CDK19: variants seen among roughly 807,000 people sequenced by gnomAD.
CDK19 encodes cyclin dependent kinase 19.
In CDK19, 20 loss-of-function variants were observed where a neutral mutation model predicts 68.3. That is an observed-to-expected ratio of 0.29 (90% CI 0.21 to 0.43). The LOEUF (loss-of-function observed/expected upper bound fraction) is 0.43. Among genes scored for constraint, CDK19 ranks in the 20% least tolerant of loss-of-function variants. The pLI is 1.00. For missense variants in CDK19, 339 were observed against 623.5 expected (o/e 0.54, Z 4.86); for synonymous variants, 221 against 222.8 (o/e 0.99, Z 0.07).
rs1027482869 is a variant in CDK19, at chr6:110,671,671, A to G, written c.205-1130T>C. Among the ~76,000 whole-genome samples, 6 of 152,346 alleles carry G rather than the reference A, an allele frequency of 3.9e-5. No individual in the cohort carries two copies. In the East Asian group the frequency reaches 5.8e-4, roughly 15 times the overall value. ...TTGCAAAGTCCATGCTTTTTCCACT[A>G]CAGCTAAAGTTCATGTCTTCAATTC... On this transcript the variant is annotated intron_variant, in intron 2 of 12. Coordinates refer to ENST00000368911, the MANE Select transcript of CDK19 (RefSeq NM_015076.5).
intron 4 of CDK19, among the ~76,000 whole-genome samples, chr6:110,656,747 T>C (rs1201976329): frequency 6.6e-6 from 1 of 152,164 alleles, no homozygotes; most frequent in Admixed American, 6.5e-5. Context: ...AGAGATAAGG[T>C]TTTCTTTTCT....
intron 2 of CDK19, among the ~76,000 whole-genome samples, chr6:110,733,896 G>T (rs1229660167): frequency 6.6e-6 from 1 of 152,124 alleles, no homozygotes; most frequent in Non-Finnish European, 1.5e-5. Context: ...TATAATGGAT[G>T]AAACTGTAGC....
intron 4 of CDK19, among the ~76,000 whole-genome samples, chr6:110,665,628 C>T (rs1422438189): frequency 1.3e-5 from 2 of 152,204 alleles, no homozygotes; most frequent in Non-Finnish European, 2.9e-5. Flanking sequence ...CAAACATGAA[C>T]ATAACCTCAA....
intron 2 of CDK19, among the ~76,000 whole-genome samples, chr6:110,683,404 T>C (rs879803231): frequency 5.3e-5 from 8 of 152,142 alleles, no homozygotes; most frequent in Admixed American, 3.3e-4. Context: ...CCGGTTAGCT[T>C]TGACATCAGA....
chr6:110,660,627 AG>A (rs59923068), intron 4 of CDK19, among the ~76,000 whole-genome samples: 31,101 of 152,086 alleles, frequency 0.2, 3,254 homozygotes, highest in South Asian at 0.23. Flanking sequence ...GGGATGGAGC[AG>A]GAAGCTAATC....
intron 2 of CDK19, among the ~76,000 whole-genome samples, chr6:110,728,767 T>G (rs943514505): frequency 2.6e-5 from 4 of 152,174 alleles, no homozygotes; most frequent in Admixed American, 2.6e-4. Flanking sequence ...GTCATGCTTA[T>G]ACACAATGTT....
intron 3 of CDK19, among the ~76,000 whole-genome samples, chr6:110,669,671 A>C (rs1770825072): frequency 1.3e-5 from 2 of 151,950 alleles, no homozygotes; most frequent in African/African-American, 4.8e-5. Context: ...AATTATCCAT[A>C]ATTTTAACTT....
chr6:110,642,216 G>A (rs1434902978), intron 4 of CDK19, among the ~76,000 whole-genome samples: 3 of 151,232 alleles, frequency 2.0e-5, no homozygotes, highest in African/African-American at 4.9e-5. Context: ...CAGGAGAATC[G>A]CTTGAACCCG....
At chr6:110,641,525 G>T (rs1230859577) in intron 4 of CDK19, among the ~76,000 whole-genome samples, 1 of 150,836 alleles carries the variant, frequency 6.6e-6, no homozygotes, top group Non-Finnish European at 1.5e-5. Context: ...AACCCAGGAG[G>T]TGAATGTTGC....
chr6:110,787,577 G>T (rs1050879370), intron 1 of CDK19, among the ~76,000 whole-genome samples: 1 of 151,950 alleles, frequency 6.6e-6, no homozygotes, highest in African/African-American at 2.4e-5. Flanking sequence ...CTCACAAGTA[G>T]CTGACACTCT....
chr6:110,717,106 C>G (rs1415302710), intron 2 of CDK19, among the ~76,000 whole-genome samples: 3 of 152,076 alleles, frequency 2.0e-5, no homozygotes, highest in Non-Finnish European at 4.4e-5. Context: ...TCAGCCTGGG[C>G]AACAGAGCAA....
At chr6:110,741,537 TA>T (rs908928429) in intron 2 of CDK19, among the ~76,000 whole-genome samples, 3 of 149,324 alleles carry the variant, frequency 2.0e-5, no homozygotes, top group Admixed American at 1.3e-4. Context: ...TGAAAAACAT[TA>T]ATCTACACAT....
intron 8 of CDK19, among the ~76,000 whole-genome samples, chr6:110,625,992 G>A (rs1305837276): frequency 2.0e-5 from 3 of 152,044 alleles, no homozygotes; most frequent in Non-Finnish European, 4.4e-5. Flanking sequence ...TCTCATTTCT[G>A]CTCAAAGTAA....
In CDK19 at chr6:110,784,855, G is replaced by A. The variant is rs79518504; in HGVS notation, c.128+30154C>T. ...ACTTTGATTATGCTGAGTAAAAGCA[G>A]CAAGACACACAATAACATATATAGT... On this transcript the variant is annotated intron_variant, in intron 1 of 12. Coordinates refer to ENST00000368911, the MANE Select transcript of CDK19 (RefSeq NM_015076.5). Among the ~76,000 whole-genome samples, 1,257 of 152,170 alleles carry A rather than the reference G, an allele frequency of 8.3e-3. 54 individuals carry two copies. In the East Asian group the frequency reaches 0.14, roughly 16 times the overall value.
Position 110,621,511 on chromosome 6 carries a change from G to C in CDK19, c.1111-141C>G. On this transcript the variant is annotated intron_variant, in intron 11 of 12. Coordinates refer to ENST00000368911, the MANE Select transcript of CDK19 (RefSeq NM_015076.5). The surrounding 1 kb of genome is among the most constrained non-coding windows in gnomAD (Gnocchi z 5.4). ...CACTAGAGTGATGGGGAGGACTGGAGAATGGAGCAGCCAGGGAACACAGTG... is the reference window on the plus strand; with the variant it reads ...CACTAGAGTGATGGGGAGGACTGGACAATGGAGCAGCCAGGGAACACAGTG... 3.8e-6 allele frequency: 3 copies of C among 793,380 alleles called. No homozygotes were observed. The highest frequency in any genetic ancestry group is 6.0e-6 in the Non-Finnish European group (3 of 503,894). The allele number at this position is 793,380 out of a possible 1,614,324, so 49.1% of individuals were successfully genotyped here.
intron 1 of CDK19, among the ~76,000 whole-genome samples, chr6:110,810,887 AT>A (rs572262116): frequency 4.0e-4 from 61 of 151,058 alleles, no homozygotes; most frequent in Admixed American, 2.2e-3. Context: ...CCTTTTCCAT[AT>A]TTTTTTTTGG....
chr6:110,814,844 G>A (rs894141344), intron 1 of CDK19, 165 bp downstream of exon 1: 15 of 876,118 alleles, frequency 1.7e-5, no homozygotes, highest in Non-Finnish European at 2.5e-5. Context: ...CGGGGGAGGC[G>A]GGCGGAACGG....
chr6:110,628,850 AT>A (rs1779260772), intron 6 of CDK19, among the ~76,000 whole-genome samples: 1 of 152,172 alleles, frequency 6.6e-6, no homozygotes, highest in Non-Finnish European at 1.5e-5. Flanking sequence ...TTTGACGACC[AT>A]TTTTTAATTA....
Position 110,670,663 on chromosome 6 carries a change from A to G in CDK19, c.205-122T>C. 4.5e-6 allele frequency: 3 copies of G among 673,828 alleles called. No individual in the cohort carries two copies. The South Asian group carries it at 5.0e-5, about 11-fold the overall frequency. The allele number at this position is 673,828 out of a possible 1,614,324, so 41.7% of individuals were successfully genotyped here. ...AGAGAATCCAGGTAAGCAAAATGAA[A>G]GAAAAAAATACCACCCAAAATACTG... is the stretch of plus-strand genomic sequence containing the variant. On this transcript the variant is annotated intron_variant, in intron 2 of 12. Coordinates refer to ENST00000368911, the MANE Select transcript of CDK19 (RefSeq NM_015076.5).
Sources: allele counts gnomAD v4.1 joint callset (sites outside exome capture counted in the v4.1 genomes callset), GRCh38; gene constraint gnomAD v4.1.1; non-coding constraint Gnocchi (gnomAD v3.1); transcripts MANE v1.5; gene names NCBI Gene and HGNC (gene_info 2026-07-23, HGNC 2026-07-21).